RANBP2: variants seen among roughly 807,000 people sequenced by gnomAD.
RANBP2 encodes the protein E3 SUMO-protein ligase RanBP2.
In RANBP2, 57 loss-of-function variants were observed where a neutral mutation model predicts 303.6. The ratio of observed to expected loss-of-function variants is 0.19; its 90% CI spans 0.15 to 0.23. The LOEUF is 0.23. Ranked by LOEUF, RANBP2 falls within the 10% of genes least tolerant of loss-of-function variation. The probability of loss-of-function intolerance (pLI) is 1.00; values close to 1 mark genes in which losing one functional copy is unlikely to be tolerated. For missense variants in RANBP2, 3,138 were observed against 3,780.8 expected (o/e 0.83, Z 4.46); for synonymous variants, 1,167 against 1,301.5 (o/e 0.90, Z 2.23).
the RANBP2 span, among the ~76,000 whole-genome samples, chr2:109,136,843 C>T: frequency 6.6e-6 from 1 of 152,124 alleles, no homozygotes; most frequent in Admixed American, 6.5e-5. Flanking sequence ...ATGCTTGCAC[C>T]GGGGCACCTG....
At chr2:108,748,335 G>A (rs1270551328) in intron 8 of RANBP2, among the ~76,000 whole-genome samples, 1 of 150,028 alleles carries the variant, frequency 6.7e-6, no homozygotes, top group Non-Finnish European at 1.5e-5. Flanking sequence ...AGCCTCCCCA[G>A]TAGCTGGGAC....
At chr2:109,697,979 C>T in the RANBP2 span, among the ~76,000 whole-genome samples, 1 of 151,748 alleles carries the variant, frequency 6.6e-6, no homozygotes, top group South Asian at 2.1e-4. Context: ...CCTGCCTCAG[C>T]CTCCCAAGTA....
chr2:109,329,784 C>T, the RANBP2 span, among the ~76,000 whole-genome samples: 2 of 152,154 alleles, frequency 1.3e-5, no homozygotes, highest in African/African-American at 4.8e-5. Context: ...TTACATAGGC[C>T]CAGCCTCACT....
At chr2:109,736,519 G>C in the RANBP2 span, among the ~76,000 whole-genome samples, 1 of 152,162 alleles carries the variant, frequency 6.6e-6, no homozygotes, top group Non-Finnish European at 1.5e-5. Context: ...TTTAGAACCT[G>C]GGACTTTTAC....
the RANBP2 span, among the ~76,000 whole-genome samples, chr2:109,514,544 C>T: frequency 4.6e-5 from 7 of 152,120 alleles, no homozygotes; most frequent in Admixed American, 3.3e-4. Flanking sequence ...GGCGGGATGC[C>T]GCAGGGAAGC....
the RANBP2 span, among the ~76,000 whole-genome samples, chr2:109,706,398 C>T: frequency 6.6e-6 from 1 of 152,210 alleles, no homozygotes; most frequent in Non-Finnish European, 1.5e-5. Context: ...TGCCCTAGGG[C>T]CTCTGCACTG....
chr2:109,488,575 C>A, the RANBP2 span, among the ~76,000 whole-genome samples: 3 of 152,222 alleles, frequency 2.0e-5, no homozygotes, highest in Non-Finnish European at 4.4e-5. Context: ...CACTCAGATC[C>A]CAGGGTTCTG....
At chr2:109,059,665 C>T in the RANBP2 span, among the ~76,000 whole-genome samples, 1 of 152,206 alleles carries the variant, frequency 6.6e-6, no homozygotes, top group Non-Finnish European at 1.5e-5. Context: ...TGCCTCTCCT[C>T]TGGCACTGTG....
chr2:109,268,839 T>C, the RANBP2 span, among the ~76,000 whole-genome samples: 1 of 152,266 alleles, frequency 6.6e-6, no homozygotes, highest in South Asian at 2.1e-4. Flanking sequence ...TGCTATGAGG[T>C]TTGCCAGGTT....
At chr2:108,992,885 G>A in the RANBP2 span, among the ~76,000 whole-genome samples, 1 of 152,176 alleles carries the variant, frequency 6.6e-6, no homozygotes, top group East Asian at 1.9e-4. Flanking sequence ...AAATGCGTTT[G>A]TCCCCAGCTC....
At position 108,755,035 on chromosome 2, in the gene RANBP2, C is replaced by G; in HGVS notation, c.2333C>G (p.Ser778Cys). Residue 778 changes from serine to cysteine, a missense_variant, in exon 16 of 29, where the codon TCT becomes TGT. Around this residue, in one of 20 missense-constraint regions of RANBP2, gnomAD observed 194 missense variants for 197.4 expected, o/e 0.98. Coordinates refer to ENST00000283195, the MANE Select transcript of RANBP2 (RefSeq NM_006267.5). ...AATGCAGATTCAGAAATAAAACATT[C>G]TACACCGTCTCCTACCAGATATTCA... ...LRNADSEIKHSTPSPTRYSLS... is the reference protein window; with the variant it reads ...LRNADSEIKHCTPSPTRYSLS... 6.2e-7 allele frequency: 1 copy of G among 1,611,880 alleles called. No individual in the cohort carries two copies. The highest frequency in any genetic ancestry group is 1.3e-5 in the African/African-American group (1 of 74,928).
the RANBP2 span, among the ~76,000 whole-genome samples, chr2:109,563,997 C>T: frequency 4.1e-4 from 63 of 152,180 alleles, no homozygotes; most frequent in African/African-American, 1.4e-3. Flanking sequence ...GATTTGTGTT[C>T]CAACTTACCT....
chr2:109,478,152 T>C, the RANBP2 span, among the ~76,000 whole-genome samples: 1 of 152,220 alleles, frequency 6.6e-6, no homozygotes, highest in African/African-American at 2.4e-5. Context: ...GAGGCCGCCT[T>C]TGGGGCAGGC....
the RANBP2 span, among the ~76,000 whole-genome samples, chr2:109,261,194 G>A: frequency 2.0e-5 from 3 of 152,082 alleles, no homozygotes; most frequent in Admixed American, 2.0e-4. Flanking sequence ...GTATGGTCAG[G>A]GCCCTTTGTA....
chr2:108,959,703 G>A, the RANBP2 span, among the ~76,000 whole-genome samples: 1 of 152,170 alleles, frequency 6.6e-6, no homozygotes, highest in Admixed American at 6.5e-5. Flanking sequence ...CGTGGGCAGT[G>A]GAGATTTCGC....
the RANBP2 span, chr2:109,543,193 ATAGT>A: frequency 1.3e-5 from 2 of 152,636 alleles, no homozygotes; most frequent in Non-Finnish European, 2.9e-5. Context: ...TCAGATGTTC[ATAGT>A]TATTTTCTTA....
chr2:109,484,412 C>T, the RANBP2 span, among the ~76,000 whole-genome samples: 54 of 152,224 alleles, frequency 3.5e-4, no homozygotes, highest in Non-Finnish European at 6.3e-4. Context: ...ACCCTTGGCC[C>T]ATCCACACTC....
chr2:109,680,382 T>TA, the RANBP2 span, among the ~76,000 whole-genome samples: 239 of 136,208 alleles, frequency 1.8e-3, no homozygotes, highest in Non-Finnish European at 2.9e-3. Flanking sequence ...AAAAAAATAA[T>TA]AAAAAAAAAA....
At chr2:109,361,657 G>T in the RANBP2 span, among the ~76,000 whole-genome samples, 2 of 152,116 alleles carry the variant, frequency 1.3e-5, no homozygotes, top group Non-Finnish European at 2.9e-5. Context: ...TGTATTTTTA[G>T]TAGAGATGGG....
Sources: allele counts gnomAD v4.1 joint callset (sites outside exome capture counted in the v4.1 genomes callset), GRCh38; gene constraint gnomAD v4.1.1; regional missense constraint gnomAD v4.1.1; transcripts MANE v1.5; gene names NCBI Gene and HGNC (gene_info 2026-07-23, HGNC 2026-07-21).